Variants in ST18 observed in about 807,000 individuals in gnomAD.
ST18 encodes suppression of tumorigenicity 18 protein.
ST18 carries 50 observed loss-of-function variants against 110.0 expected under a neutral mutation model. The ratio of observed to expected loss-of-function variants is 0.45; its 90% CI spans 0.36 to 0.58. The LOEUF (loss-of-function observed/expected upper bound fraction) is 0.58, where lower values mean the gene tolerates loss of function less well. Ranked by LOEUF, ST18 falls within the 20% of genes least tolerant of loss-of-function variation. ST18 has a pLI of 0.00. For synonymous variants in ST18, 461 were observed against 452.4 expected, an observed-to-expected ratio of 1.02 and a Z score of -0.24; for missense variants, 1,306 against 1,280.1, an observed-to-expected ratio of 1.02 and a Z score of -0.31.
chr8:52,211,209 T>C lies in ST18; in HGVS notation c.86+870A>G, dbSNP rs192804409. Among the ~76,000 whole-genome samples, 343 of 152,104 alleles carry C rather than the reference T, an allele frequency of 2.3e-3. 1 individual carries two copies. The highest frequency in any genetic ancestry group is 5.2e-3 in the East Asian group (27 of 5,178). ...CAAAGACTCTGAAAGAAAATCTAAT[T>C]AGAATTTATCCTGGAAAACCTGTTA... On this transcript the variant is annotated intron_variant, in intron 8 of 25. Coordinates refer to ENST00000689386, the MANE Select transcript of ST18 (RefSeq NM_001352837.2).
chr8:52,367,102 C>T (rs1327770472), intron 2 of ST18, among the ~76,000 whole-genome samples: 1 of 152,104 alleles, frequency 6.6e-6, no homozygotes. Context: ...CGTGGTGGTG[C>T]ATGCCGGTAA....
At chr8:52,178,645 C>CAAAAAAAAAAAAAA (rs1563897561) in intron 9 of ST18, among the ~76,000 whole-genome samples, 12 of 30,090 alleles carry the variant, frequency 4.0e-4, no homozygotes, top group African/African-American at 8.4e-4. Context: ...AAAAAAAAAC[C>CAAAAAAAAAAAAAA]ACCAAAAACC....
chr8:52,118,245 A>C, intron 24 of ST18, 93 bp downstream of exon 24: 1 of 802,436 alleles, frequency 1.2e-6, no homozygotes. Flanking sequence ...CTAAGTTACC[A>C]TATATTTTCA....
At chr8:52,218,206 A>C (rs990972491) in intron 5 of ST18, among the ~76,000 whole-genome samples, 1 of 152,052 alleles carries the variant, frequency 6.6e-6, no homozygotes, top group Non-Finnish European at 1.5e-5. Context: ...ATATATTTAT[A>C]ATATACCTCT....
chr8:52,156,448 C>G (rs2060040052), intron 15 of ST18, among the ~76,000 whole-genome samples: 1 of 152,152 alleles, frequency 6.6e-6, no homozygotes, highest in African/African-American at 2.4e-5. Flanking sequence ...GTGGAAGAAT[C>G]AAATAATAGC....
intron 2 of ST18, among the ~76,000 whole-genome samples, chr8:52,274,500 G>C (rs1289145623): frequency 7.1e-6 from 1 of 141,252 alleles, no homozygotes; most frequent in Non-Finnish European, 1.5e-5. Flanking sequence ...AGGAAAAAGA[G>C]TTGTATGATG....
At chr8:52,292,166 A>T (rs1420338516) in intron 2 of ST18, among the ~76,000 whole-genome samples, 1 of 152,220 alleles carries the variant, frequency 6.6e-6, no homozygotes, top group African/African-American at 2.4e-5. Flanking sequence ...CACTGATACC[A>T]CTTCTGGGGC....
intron 2 of ST18, among the ~76,000 whole-genome samples, chr8:52,258,890 A>G (rs2094600532): frequency 6.6e-6 from 1 of 152,202 alleles, no homozygotes; most frequent in Admixed American, 6.5e-5. Context: ...TTTTCAACTT[A>G]AAAAGCTAAC....
At chr8:52,287,886 G>A (rs946199679) in intron 2 of ST18, among the ~76,000 whole-genome samples, 1 of 152,116 alleles carries the variant, frequency 6.6e-6, no homozygotes, top group Non-Finnish European at 1.5e-5. Flanking sequence ...AGCTTCTGAG[G>A]GCTTCAAACA....
intron 2 of ST18, among the ~76,000 whole-genome samples, chr8:52,403,135 C>T (rs1843318287): frequency 6.6e-6 from 1 of 152,030 alleles, no homozygotes; most frequent in South Asian, 2.1e-4. Flanking sequence ...AATGGGGTGG[C>T]TTCTAGGTAG....
intron 10 of ST18, among the ~76,000 whole-genome samples, chr8:52,171,196 G>A (rs1268782878): frequency 6.6e-6 from 1 of 152,168 alleles, no homozygotes; most frequent in Non-Finnish European, 1.5e-5. Context: ...AGAGCAGGGG[G>A]AATGCTCCAG....
chr8:52,133,507 T>C (rs1473471136), intron 19 of ST18, among the ~76,000 whole-genome samples: 1 of 152,088 alleles, frequency 6.6e-6, no homozygotes, highest in African/African-American at 2.4e-5. Context: ...TAAATATAAT[T>C]ATCTTTTGGT....
intron 2 of ST18, among the ~76,000 whole-genome samples, chr8:52,277,044 G>C (rs1422040254): frequency 6.6e-6 from 1 of 152,192 alleles, no homozygotes; most frequent in East Asian, 1.9e-4. Context: ...TGGGATTATA[G>C]GCATGAGCCA....
At chr8:52,265,359 T>C (rs962998532) in intron 2 of ST18, among the ~76,000 whole-genome samples, 1 of 150,268 alleles carries the variant, frequency 6.7e-6, no homozygotes, top group African/African-American at 2.5e-5. Context: ...TTACTGTAAG[T>C]GTGATGGGAA....
chr8:52,167,566 G>A (rs1406575898), intron 10 of ST18, among the ~76,000 whole-genome samples: 2 of 152,322 alleles, frequency 1.3e-5, no homozygotes, highest in Middle Eastern at 3.4e-3. Context: ...AGTGATTCAC[G>A]GTCTCGAGAT....
intron 8 of ST18, among the ~76,000 whole-genome samples, chr8:52,205,088 C>CAT (rs956821109): frequency 9.7e-5 from 14 of 144,774 alleles, no homozygotes; most frequent in South Asian, 2.1e-4. Context: ...TTTATATATA[C>CAT]ATATATATAT....
At chr8:52,399,258 T>C (rs1842138974) in intron 2 of ST18, among the ~76,000 whole-genome samples, 1 of 152,048 alleles carries the variant, frequency 6.6e-6, no homozygotes, top group Non-Finnish European at 1.5e-5. Flanking sequence ...TGATCCTTTT[T>C]ATTTCTGATG....
chr8:52,168,453 G>T (rs1000994145), intron 10 of ST18, among the ~76,000 whole-genome samples: 4 of 152,010 alleles, frequency 2.6e-5, no homozygotes, highest in Admixed American at 1.3e-4. Flanking sequence ...CCATACCATG[G>T]CACCCCAGTT....
chr8:52,122,084 T>A (rs113964144), intron 23 of ST18, among the ~76,000 whole-genome samples: 3,300 of 152,274 alleles, frequency 0.022, 115 homozygotes, highest in African/African-American at 0.076. Context: ...GACCTGCTGA[T>A]CCGCCTTCCT....
Sources: allele counts gnomAD v4.1 joint callset (sites outside exome capture counted in the v4.1 genomes callset), GRCh38; gene constraint gnomAD v4.1.1; transcripts MANE v1.5; gene names NCBI Gene and HGNC (gene_info 2026-07-23, HGNC 2026-07-21).